PPIP5K1: variants seen among roughly 807,000 people sequenced by gnomAD.
PPIP5K1 encodes the protein diphosphoinositol pentakisphosphate kinase 1.
PPIP5K1 carries 6 observed loss-of-function variants against 27.7 expected under a neutral mutation model. The ratio of observed to expected loss-of-function variants is 0.22; its 90% CI spans 0.12 to 0.43. The LOEUF is 0.43. Ranked by LOEUF, PPIP5K1 falls within the 20% of genes least tolerant of loss-of-function variation. PPIP5K1 has a pLI of 1.00. For missense variants in PPIP5K1, 394 were observed against 635.4 expected, an observed-to-expected ratio of 0.62 and a Z score of 4.08; for synonymous variants, 145 against 242.6, an observed-to-expected ratio of 0.60 and a Z score of 3.74.
rs759922255 is a variant in PPIP5K1, at chr15:43,539,470, A to G, written c.3670T>C (p.Tyr1224His). 3 of 1,569,398 alleles carry G rather than the reference A, an allele frequency of 1.9e-6. No individual in the cohort carries two copies. Among genetic ancestry groups the G allele is most frequent in the South Asian group, 2.3e-5 (2 of 87,396 alleles). Reference sequence around the variant, plus strand: ...AGGCAGTTCCAAAAGGATTACTTACACCAAGGGGGCTTCTCAGAGCGCTGC... The same window carrying G: ...AGGCAGTTCCAAAAGGATTACTTACGCCAAGGGGGCTTCTCAGAGCGCTGC... ...LQQRSEKPPW[Y>H]SSGPSSTVSS... The change falls in exon 31 of 32, where the codon TAC becomes CAC. Residue 1224 changes from tyrosine to histidine, a missense_variant and splice_region_variant. Around this residue, in one of 4 missense-constraint regions of PPIP5K1, gnomAD observed 379 missense variants for 423.9 expected, o/e 0.89. Transcript: ENST00000420765.
At chr15:43,559,412 G>A (rs1332866447) in intron 29 of PPIP5K1, among the ~76,000 whole-genome samples, 1 of 152,144 alleles carries the variant, frequency 6.6e-6, no homozygotes, top group East Asian at 1.9e-4. Context: ...CTGAGAAGGG[G>A]TTCATGCAAA....
chr15:43,547,746 T>C (rs1360593317), intron 30 of PPIP5K1, among the ~76,000 whole-genome samples: 1 of 152,258 alleles, frequency 6.6e-6, no homozygotes, highest in East Asian at 1.9e-4. Flanking sequence ...TTTTGATTAC[T>C]ATAGCTTTGC....
chr15:43,551,606 G>GTTTTTTTTTTTTT (rs1293557795), intron 30 of PPIP5K1, among the ~76,000 whole-genome samples: 9,148 of 104,680 alleles, frequency 0.087, 1,975 homozygotes, highest in African/African-American at 0.13. Context: ...TCTTGATTCA[G>GTTTTTTTTTTTTT]TTTTTTTTTT....
intron 30 of PPIP5K1, among the ~76,000 whole-genome samples, chr15:43,556,673 G>A (rs2082997563): frequency 6.6e-6 from 1 of 152,168 alleles, no homozygotes; most frequent in Admixed American, 6.5e-5. Context: ...ACAAATGTAG[G>A]CACTTTGTGT....
chr15:43,551,794 G>A (rs1258811890), intron 30 of PPIP5K1, among the ~76,000 whole-genome samples: 2 of 150,838 alleles, frequency 1.3e-5, no homozygotes, highest in African/African-American at 2.4e-5. Context: ...TAGTAGAGAC[G>A]GGGTTTCACC....
intron 30 of PPIP5K1, among the ~76,000 whole-genome samples, chr15:43,550,502 G>A (rs746386807): frequency 1.4e-4 from 22 of 152,124 alleles, no homozygotes; most frequent in African/African-American, 4.6e-4. Flanking sequence ...TTTAATAGCC[G>A]CTTTTTTATT....
chr15:43,554,945 C>T (rs2082738521), intron 30 of PPIP5K1, among the ~76,000 whole-genome samples: 1 of 152,036 alleles, frequency 6.6e-6, no homozygotes, highest in South Asian at 2.1e-4. Context: ...AAGCAATTCT[C>T]CTACCTCAGC....
intron 30 of PPIP5K1, among the ~76,000 whole-genome samples, chr15:43,556,316 C>G (rs934538728): frequency 6.6e-6 from 1 of 151,342 alleles, no homozygotes; most frequent in Non-Finnish European, 1.5e-5. Flanking sequence ...GAGACTCCAT[C>G]TCAAAAAACA....
chr15:43,554,554 T>A (rs2082663608), intron 30 of PPIP5K1, among the ~76,000 whole-genome samples: 1 of 152,030 alleles, frequency 6.6e-6, no homozygotes, highest in African/African-American at 2.4e-5. Flanking sequence ...TCTATCCTTT[T>A]ACTTTCAACC....
Position 43,535,177 on chromosome 15 carries a change from G to A in PPIP5K1, c.3970C>T (p.Pro1324Ser), listed in dbSNP as rs768801879. Residue 1324 changes from proline to serine, a missense_variant, in exon 32 of 32, where the codon CCA becomes TCA. By Grantham distance (74) the Pro-to-Ser change is moderately conservative. Coordinates refer to ENST00000420765, the MANE Select transcript of PPIP5K1 (RefSeq NM_001394395.1). ...AGCGCCTCAGAAATGTCCTGGCATG[G>A]CTGGCTGATGTCAGGGACCTCCTGA... The part of the protein sequence containing the change: ...PCQEVPDISQ[P>S]CQDISEALSQ... 1.2e-6 allele frequency: 2 copies of A among 1,613,558 alleles called. No homozygotes were observed. The highest frequency in any genetic ancestry group is 3.3e-5 in the Admixed American group (2 of 59,968).
chr15:43,551,605 A>ATTTTTTTTTTTT (rs1567046997), intron 30 of PPIP5K1, among the ~76,000 whole-genome samples: 5 of 103,622 alleles, frequency 4.8e-5, no homozygotes, highest in African/African-American at 3.3e-4. Flanking sequence ...TTCTTGATTC[A>ATTTTTTTTTTTT]GTTTTTTTTT....
intron 30 of PPIP5K1, among the ~76,000 whole-genome samples, chr15:43,556,821 G>C (rs776093426): frequency 3.3e-5 from 5 of 152,190 alleles, no homozygotes; most frequent in African/African-American, 4.8e-5. Flanking sequence ...GCACAACAAA[G>C]CCAGGGAGGC....
chr15:43,542,240 T>C (rs1015136472), intron 30 of PPIP5K1, among the ~76,000 whole-genome samples: 3 of 150,200 alleles, frequency 2.0e-5, no homozygotes, highest in African/African-American at 4.9e-5. Context: ...AGAGAGTTAG[T>C]GAAAAATATT....
chr15:43,547,639 T>A (rs760942852), intron 30 of PPIP5K1, among the ~76,000 whole-genome samples: 1 of 152,236 alleles, frequency 6.6e-6, no homozygotes, highest in African/African-American at 2.4e-5. Flanking sequence ...AGTTTTGACA[T>A]CCTTGTTGAA....
intron 30 of PPIP5K1, among the ~76,000 whole-genome samples, chr15:43,546,358 G>A (rs1044918783): frequency 3.9e-5 from 6 of 152,284 alleles, no homozygotes; most frequent in Middle Eastern, 3.4e-3. Flanking sequence ...GTGCAGTGGT[G>A]TGATCGTAGC....
intron 30 of PPIP5K1, among the ~76,000 whole-genome samples, chr15:43,551,704 G>A (rs2082225913): frequency 7.7e-6 from 1 of 130,130 alleles, no homozygotes; most frequent in African/African-American, 3.3e-5. Flanking sequence ...CCGGGTTCAT[G>A]CCATTCTCCT....
At position 43,534,672 on chromosome 15, in the gene PPIP5K1, T is replaced by C. The variant is rs2079585539; in HGVS notation, c.*2A>G. ...AATCACTTCAGGGACCACCCAGGAC[T>C]TCTAATTTATCTCCTCAGGGACCTC... On this transcript the variant is annotated 3_prime_UTR_variant, in exon 32 of 32. Transcript: ENST00000420765. The C allele has an allele frequency of 6.6e-7, 1 of 1,520,056 alleles. No individual in the cohort carries two copies. Among genetic ancestry groups the C allele is most frequent in the Non-Finnish European group, 8.8e-7 (1 of 1,137,814 alleles). The allele number at this position is 1,520,056 out of a possible 1,614,324, so 94.2% of individuals were successfully genotyped here.
chr15:43,555,989 T>C (rs1162271206), intron 30 of PPIP5K1, among the ~76,000 whole-genome samples: 1 of 152,070 alleles, frequency 6.6e-6, no homozygotes, highest in Non-Finnish European at 1.5e-5. Context: ...AATTCAACAC[T>C]AAATAAATAA....
intron 30 of PPIP5K1, among the ~76,000 whole-genome samples, chr15:43,542,303 G>A (rs986372530): frequency 2.0e-4 from 4 of 19,600 alleles, no homozygotes; most frequent in Non-Finnish European, 1.1e-3. Context: ...AATTTTGGCG[G>A]GGGGGGGGGG....
Sources: gnomAD v4.1 joint callset for allele counts (sites outside exome capture counted in the v4.1 genomes callset) on GRCh38, gnomAD v4.1.1 for gene constraint, gnomAD v4.1.1 regional missense constraint, MANE v1.5 for transcripts, NCBI Gene and HGNC (gene_info 2026-07-23, HGNC 2026-07-21) for gene names.